The following FAM193A variants were observed in gnomAD, a reference collection of about 807,000 sequenced individuals.
FAM193A encodes protein FAM193A.
A neutral mutation model predicts 126.5 loss-of-function variants in FAM193A; 22 were observed. The ratio of observed to expected loss-of-function variants is 0.17; its 90% CI spans 0.12 to 0.25. The LOEUF (loss-of-function observed/expected upper bound fraction) is 0.25. Ranked by LOEUF, FAM193A falls within the 10% of genes least tolerant of loss-of-function variation. The pLI is 1.00. For missense variants in FAM193A, 1,675 were observed against 1,672.8 expected, an observed-to-expected ratio of 1.00 and a Z score of -0.02; for synonymous variants, 761 against 646.8, an observed-to-expected ratio of 1.18 and a Z score of -2.68.
At chr4:2,728,684 GT>G (rs1177166923) in intron 20 of FAM193A, among the ~76,000 whole-genome samples, 4 of 151,982 alleles carry the variant, frequency 2.6e-5, no homozygotes, top group Admixed American at 2.6e-4. Context: ...GCTTTGAGTC[GT>G]TTGTGCAGGT....
intron 19 of FAM193A, among the ~76,000 whole-genome samples, chr4:2,706,393 T>G (rs914839846): frequency 1.4e-5 from 2 of 145,386 alleles, no homozygotes; most frequent in Non-Finnish European, 3.0e-5. Context: ...GCCTCCTGGG[T>G]TCAAGCGATT....
intron 1 of FAM193A, among the ~76,000 whole-genome samples, chr4:2,552,989 A>C (rs533369729): frequency 5.3e-5 from 8 of 151,436 alleles, no homozygotes; most frequent in Non-Finnish European, 7.4e-5. Context: ...CTGGGATTAC[A>C]GGCGCCCGCC....
intron 19 of FAM193A, among the ~76,000 whole-genome samples, chr4:2,713,818 G>A (rs1470100883): frequency 6.6e-6 from 1 of 152,160 alleles, no homozygotes; most frequent in South Asian, 2.1e-4. Context: ...TCTGAGTTCT[G>A]GAGAAGTAAA....
chr4:2,547,969 A>C (rs1333024535), intron 1 of FAM193A, among the ~76,000 whole-genome samples: 1 of 151,306 alleles, frequency 6.6e-6, no homozygotes. Flanking sequence ...TCATAGTTTT[A>C]ATTTGCATCT....
chr4:2,566,736 A>G (rs1042154223), intron 1 of FAM193A, among the ~76,000 whole-genome samples: 6 of 152,060 alleles, frequency 3.9e-5, no homozygotes, highest in Non-Finnish European at 8.8e-5. Flanking sequence ...GTGTGTGTGT[A>G]TATTTGCTAA....
At chr4:2,647,516 TG>T (rs1157258194) in intron 7 of FAM193A, among the ~76,000 whole-genome samples, 1 of 152,152 alleles carries the variant, frequency 6.6e-6, no homozygotes, top group African/African-American at 2.4e-5. Flanking sequence ...ATTGTCCATC[TG>T]TCCTAGTCTA....
At chr4:2,588,798 C>T (rs1437940265) in intron 1 of FAM193A, among the ~76,000 whole-genome samples, 1 of 152,096 alleles carries the variant, frequency 6.6e-6, no homozygotes, top group Non-Finnish European at 1.5e-5. Context: ...TTTTTCAGGA[C>T]CTTCAGAGAT....
intron 19 of FAM193A, among the ~76,000 whole-genome samples, chr4:2,710,100 G>A (rs1302053466): frequency 7.0e-6 from 1 of 143,368 alleles, no homozygotes; most frequent in East Asian, 2.1e-4. Flanking sequence ...AATAGTTTAT[G>A]TATTTTGTTA....
At chr4:2,601,576 T>A (rs1371430431) in intron 2 of FAM193A, among the ~76,000 whole-genome samples, 1 of 151,998 alleles carries the variant, frequency 6.6e-6, no homozygotes, top group Non-Finnish European at 1.5e-5. Context: ...TTTTTTCTTT[T>A]AAACTAGTTT....
chr4:2,657,932 C>G, intron 8 of FAM193A, 52 bp downstream of exon 8: 1 of 1,205,468 alleles, frequency 8.3e-7, no homozygotes, highest in Admixed American at 1.8e-5. Context: ...TCTGTCCTGA[C>G]AGCAAATGAC....
In FAM193A at chr4:2,596,259, T is replaced by C. The variant is rs1221268390; in HGVS notation, c.431T>C (p.Leu144Pro). Reference sequence around the variant, plus strand: ...GGCAACAGCGTGCTGCACCTGCCACTGTGGGTGTGCCCGGACTGCCGCAGG... The same window carrying C: ...GGCAACAGCGTGCTGCACCTGCCACCGTGGGTGTGCCCGGACTGCCGCAGG... Reference protein sequence around the residue: ...PKGNSVLHLPLWVCPDCRRTV... With the variant: ...PKGNSVLHLPPWVCPDCRRTV... The change falls in exon 2 of 21, where the codon CTG becomes CCG. Residue 144 changes from leucine to proline, a missense_variant. Around this residue, in one of 4 missense-constraint regions of FAM193A, gnomAD observed 1,186 missense variants for 1,109.2 expected, o/e 1.07. Coordinates refer to ENST00000637812, the MANE Select transcript of FAM193A (RefSeq NM_001366318.2). 4.3e-6 allele frequency: 3 copies of C among 702,910 alleles called. No individual in the cohort carries two copies. The highest frequency in any genetic ancestry group is 2.6e-6 in the Non-Finnish European group (1 of 385,006). 43.5% of individuals were successfully genotyped at this position (702,910 alleles called of 1,614,324 possible). A position where few individuals can be genotyped will look rare whatever the true frequency, so the allele number is the denominator to read the frequency against.
chr4:2,688,950 A>G (rs1419557492), intron 13 of FAM193A, among the ~76,000 whole-genome samples: 5 of 152,240 alleles, frequency 3.3e-5, no homozygotes, highest in Non-Finnish European at 7.3e-5. Flanking sequence ...GCCTTCAACA[A>G]TGGTCTGCCC....
chr4:2,668,878 T>A (rs575523055), intron 12 of FAM193A, among the ~76,000 whole-genome samples: 1 of 151,442 alleles, frequency 6.6e-6, no homozygotes, highest in Non-Finnish European at 1.5e-5. Flanking sequence ...AGTCACACTC[T>A]GTTGTCCAGG....
intron 2 of FAM193A, among the ~76,000 whole-genome samples, chr4:2,623,815 T>C (rs79222891): frequency 0.029 from 4,378 of 152,214 alleles, 224 homozygotes; most frequent in African/African-American, 0.099. Flanking sequence ...AATAGTGCAA[T>C]ACTCAAGACT....
At chr4:2,592,139 T>C (rs1308243496) in intron 1 of FAM193A, among the ~76,000 whole-genome samples, 4 of 152,226 alleles carry the variant, frequency 2.6e-5, no homozygotes, top group Non-Finnish European at 5.9e-5. Flanking sequence ...TTGCCCAGGC[T>C]GGAATGCAGT....
intron 18 of FAM193A, among the ~76,000 whole-genome samples, chr4:2,698,115 G>T (rs1717250041): frequency 6.6e-6 from 1 of 152,226 alleles, no homozygotes; most frequent in South Asian, 2.1e-4. Flanking sequence ...ACAGATGTGT[G>T]TTGAGGCTCA....
chr4:2,719,948 C>A, intron 20 of FAM193A: 1 of 311,482 alleles, frequency 3.2e-6, no homozygotes, highest in Non-Finnish European at 6.6e-6. Context: ...ATGCACCATG[C>A]CTGGCTAATT....
rs767237009 is a variant in FAM193A, at chr4:2,630,996, G to A, written c.865G>A (p.Val289Met). 2 of 1,613,560 alleles carry A rather than the reference G, an allele frequency of 1.2e-6. No individual in the cohort carries two copies. Among genetic ancestry groups the A allele is most frequent in the East Asian group, 2.2e-5 (1 of 44,882 alleles). The part of the protein sequence containing the change: ...QRLEQQAREY[V>M]LEMKVRLLRQ... ...TCTGGAACAGCAAGCTCGAGAGTAT[G>A]TGCTGGAGATGAAGGTCCGCCTGCT... is the stretch of plus-strand genomic sequence containing the variant. The change falls in exon 5 of 21, where the codon GTG becomes ATG. Residue 289 changes from valine (V) to methionine (M), a missense_variant. Physicochemically the swap from Val to Met is conservative, Grantham distance 21. Around this residue, in one of 4 missense-constraint regions of FAM193A, gnomAD observed 1,186 missense variants for 1,109.2 expected, o/e 1.07. Coordinates refer to ENST00000637812, the MANE Select transcript of FAM193A (RefSeq NM_001366318.2).
chr4:2,656,273 T>G lies in FAM193A; in HGVS notation c.1312-1530T>G, dbSNP rs146486359. 1.0e-3 allele frequency among the ~76,000 whole-genome samples: 154 copies of G among 152,342 alleles called. No individual in the cohort carries two copies. In the East Asian group the frequency reaches 0.028, roughly 28 times the overall value. On this transcript the variant is annotated intron_variant, in intron 7 of 20. Coordinates refer to ENST00000637812, the MANE Select transcript of FAM193A (RefSeq NM_001366318.2). ...TTTGATAGAACCTACCGTAAAACTT[T>G]GGGGCCTAATTCATTTTTACAGGGA...
Sources: allele counts gnomAD v4.1 joint callset (sites outside exome capture counted in the v4.1 genomes callset), GRCh38; gene constraint gnomAD v4.1.1; regional missense constraint gnomAD v4.1.1; transcripts MANE v1.5; gene names NCBI Gene and HGNC (gene_info 2026-07-23, HGNC 2026-07-21).